CCDC191: variants seen among roughly 807,000 people sequenced by gnomAD.
CCDC191 encodes the protein coiled-coil domain-containing protein 191.
Under a neutral mutation model 114.0 loss-of-function variants are expected in CCDC191, and 99 were observed. That is an observed-to-expected ratio of 0.87 (90% CI 0.74 to 1.03). The LOEUF (loss-of-function observed/expected upper bound fraction) is 1.03, where lower values mean the gene tolerates loss of function less well. CCDC191 is among the 50% of genes least tolerant of loss of function. The pLI is 0.00. For synonymous variants in CCDC191, 351 were observed against 376.0 expected (o/e 0.93, Z 0.77); for missense variants, 973 against 1,087.0 (o/e 0.90, Z 1.47).
At chr3:113,974,379 G>C (rs1333119510) in intron 16 of CCDC191, among the ~76,000 whole-genome samples, 1 of 151,656 alleles carries the variant, frequency 6.6e-6, no homozygotes, top group African/African-American at 2.4e-5. Context: ...GAGTGCAGTG[G>C]CATGATCTCA....
intron 16 of CCDC191, among the ~76,000 whole-genome samples, chr3:113,974,517 A>G (rs1941133954): frequency 2.0e-5 from 3 of 151,470 alleles, no homozygotes. Flanking sequence ...AGGGGGTTTC[A>G]CCATGTTGGC....
chr3:114,039,897 AAT>A (rs748879490), intron 4 of CCDC191, among the ~76,000 whole-genome samples: 19 of 152,156 alleles, frequency 1.2e-4, no homozygotes, highest in African/African-American at 4.1e-4. Context: ...AAGAAAGAAA[AAT>A]ATGTTTTTAT....
At chr3:114,010,048 G>C (rs1316574053) in intron 9 of CCDC191, among the ~76,000 whole-genome samples, 1 of 151,958 alleles carries the variant, frequency 6.6e-6, no homozygotes, top group African/African-American at 2.4e-5. Context: ...TCTCAGTTGA[G>C]AACTACTATT....
intron 11 of CCDC191, chr3:114,004,097 T>A (rs571456108): frequency 8.4e-6 from 8 of 949,498 alleles, no homozygotes; most frequent in Non-Finnish European, 1.0e-5. Flanking sequence ...AGGAAGACCC[T>A]GCCTGTACCA....
intron 7 of CCDC191, among the ~76,000 whole-genome samples, chr3:114,023,126 T>C (rs910561274): frequency 2.5e-4 from 38 of 152,126 alleles, no homozygotes; most frequent in African/African-American, 8.7e-4. Context: ...GAGAATAAAA[T>C]ACCTAGGAAT....
intron 4 of CCDC191, among the ~76,000 whole-genome samples, chr3:114,042,098 T>C (rs1430912930): frequency 6.6e-6 from 1 of 152,144 alleles, no homozygotes; most frequent in African/African-American, 2.4e-5. Context: ...AGTACTTAAA[T>C]GTAGTCTGCA....
At chr3:114,019,113 G>T (rs1372603223) in intron 7 of CCDC191, among the ~76,000 whole-genome samples, 1 of 152,194 alleles carries the variant, frequency 6.6e-6, no homozygotes, top group Non-Finnish European at 1.5e-5. Context: ...CATTGTCATT[G>T]TAAGCCACCA....
At chr3:114,021,646 C>G (rs1459595938) in intron 7 of CCDC191, among the ~76,000 whole-genome samples, 6 of 152,068 alleles carry the variant, frequency 3.9e-5, no homozygotes, top group Non-Finnish European at 8.8e-5. Flanking sequence ...CATACTTCCA[C>G]AGACCTGAAC....
chr3:113,984,429 A>G (rs183863824), intron 13 of CCDC191: 1 of 152,302 alleles, frequency 6.6e-6, no homozygotes, highest in East Asian at 1.9e-4. Flanking sequence ...CAGAGGAATA[A>G]CACTACTATG....
intron 1 of CCDC191, among the ~76,000 whole-genome samples, chr3:114,054,689 C>T (rs1421110153): frequency 1.3e-5 from 2 of 151,556 alleles, no homozygotes; most frequent in South Asian, 2.1e-4. Flanking sequence ...GGGAATGGGG[C>T]GAGGGTTAAT....
At chr3:114,034,098 C>T (rs1309776721) in intron 6 of CCDC191, among the ~76,000 whole-genome samples, 1 of 152,178 alleles carries the variant, frequency 6.6e-6, no homozygotes, top group Admixed American at 6.5e-5. Context: ...AGTACTACAT[C>T]CTGTGAGGAC....
chr3:114,042,052 A>G (rs936867801), intron 4 of CCDC191, among the ~76,000 whole-genome samples: 1 of 152,238 alleles, frequency 6.6e-6, no homozygotes, highest in Non-Finnish European at 1.5e-5. Context: ...TAACAGATAA[A>G]TAAGAAGCAT....
At chr3:114,012,466 T>G (rs1316447213) in intron 8 of CCDC191, among the ~76,000 whole-genome samples, 2 of 152,206 alleles carry the variant, frequency 1.3e-5, no homozygotes, top group Admixed American at 6.5e-5. Flanking sequence ...AATAAACATT[T>G]ATGTATGTTT....
chr3:114,018,686 T>C lies in CCDC191; in HGVS notation c.1155A>G (p.Glu385=). The change falls in exon 8 of 17, where the codon GAA becomes GAG. Residue 385 remains glutamate, a synonymous_variant. Transcript: ENST00000295878. The part of the protein sequence containing the change: ...ETQALENDLR[E]ENRKQQLATE... ...AATACAAATAATGATACCTGTTTTC[T>C]TCCCTAAGATCATTTTCCAAGGCTT... The C allele has an allele frequency of 6.2e-7, 1 of 1,609,486 alleles. No homozygotes were observed. Among genetic ancestry groups the C allele is most frequent in the African/African-American group, 1.3e-5 (1 of 74,698 alleles).
chr3:113,989,494 T>C lies in CCDC191; in HGVS notation c.2164-8701A>G, dbSNP rs547463543. ...TAAACTAGAAATTAAAACTAGAAAT[T>C]AAACTAGTAAAAAGTTATCTGAAAG... On this transcript the variant is annotated intron_variant, in intron 13 of 16. Coordinates refer to ENST00000295878, the MANE Select transcript of CCDC191 (RefSeq NM_020817.2). Among the ~76,000 whole-genome samples, 115 of 151,926 alleles carry C rather than the reference T, an allele frequency of 7.6e-4. 1 individual carries two copies. Among genetic ancestry groups the C allele is most frequent in the African/African-American group, 2.6e-3 (110 of 41,534 alleles).
Position 114,015,409 on chromosome 3 carries a change from T to C in CCDC191, c.1163+3269A>G, listed in dbSNP as rs2076143223. Among the ~76,000 whole-genome samples the C allele has an allele frequency of 5.3e-5, 8 of 152,214 alleles. No homozygotes were observed. The South Asian group carries it at 1.7e-3, about 32-fold the overall frequency. ...TGGCAGAAGATTTTTCTAAAATTTT[T>C]ATTTTAATTTATCCATAGTTATTGG... On this transcript the variant is annotated intron_variant, in intron 8 of 16. Transcript: ENST00000295878.
chr3:113,999,639 C>A (rs2075812860), intron 13 of CCDC191, among the ~76,000 whole-genome samples: 1 of 152,014 alleles, frequency 6.6e-6, no homozygotes, highest in Non-Finnish European at 1.5e-5. Flanking sequence ...TTGCTGAAGG[C>A]AAGGGGAATA....
At chr3:114,004,175 T>C (rs554108769) in intron 11 of CCDC191, 2 of 960,904 alleles carry the variant, frequency 2.1e-6, no homozygotes, top group South Asian at 9.6e-5. Context: ...GTAGGTTTTA[T>C]TACTAAAATC....
At chr3:113,974,955 AAT>A (rs1251730509) in intron 16 of CCDC191, among the ~76,000 whole-genome samples, 1 of 152,116 alleles carries the variant, frequency 6.6e-6, no homozygotes, top group African/African-American at 2.4e-5. Context: ...ATGCTTGGTA[AAT>A]ATGTCTTGAT....
Sources: allele counts gnomAD v4.1 joint callset (sites outside exome capture counted in the v4.1 genomes callset), GRCh38; gene constraint gnomAD v4.1.1; transcripts MANE v1.5; gene names NCBI Gene and HGNC (gene_info 2026-07-23, HGNC 2026-07-21).